The following DNM3 variants were observed in gnomAD, a reference collection of about 807,000 sequenced individuals.
DNM3 encodes the protein dynamin-3.
Under a neutral mutation model 101.6 loss-of-function variants are expected in DNM3, and 47 were observed. That is an observed-to-expected ratio of 0.46 (90% CI 0.37 to 0.59). DNM3 has a LOEUF of 0.59. Ranked by LOEUF, DNM3 falls within the 20% of genes least tolerant of loss-of-function variation. The probability of loss-of-function intolerance (pLI) is 0.00; values close to 1 mark genes in which losing one functional copy is unlikely to be tolerated. For missense variants in DNM3, 849 were observed against 1,085.7 expected (o/e 0.78, Z 3.06); for synonymous variants, 385 against 387.9 (o/e 0.99, Z 0.09).
chr1:172,051,485 T>C (rs938330151), intron 10 of DNM3, among the ~76,000 whole-genome samples: 1 of 152,328 alleles, frequency 6.6e-6, no homozygotes, highest in Non-Finnish European at 1.5e-5. Flanking sequence ...TTCAGTCCAC[T>C]CTAGCATCAT....
chr1:171,847,537 G>GA (rs11377124), intron 1 of DNM3, among the ~76,000 whole-genome samples: 91,984 of 150,536 alleles, frequency 0.61, 28,344 homozygotes, highest in East Asian at 0.8. Flanking sequence ...GAGCAGCAAG[G>GA]AAAAAAAAAG....
intron 2 of DNM3, among the ~76,000 whole-genome samples, chr1:171,974,596 G>A (rs751452700): frequency 6.6e-6 from 1 of 152,080 alleles, no homozygotes; most frequent in Non-Finnish European, 1.5e-5. Flanking sequence ...ACTTTAGTTT[G>A]TTTTCTTTAT....
intron 15 of DNM3, among the ~76,000 whole-genome samples, chr1:172,283,447 C>G (rs1382778683): frequency 2.0e-5 from 3 of 152,030 alleles, no homozygotes; most frequent in East Asian, 3.9e-4. Flanking sequence ...AGTCATTCCT[C>G]AAGTATATTC....
chr1:172,327,113 G>A (rs1194120022), intron 17 of DNM3, among the ~76,000 whole-genome samples: 2 of 152,054 alleles, frequency 1.3e-5, no homozygotes, highest in East Asian at 3.9e-4. Flanking sequence ...TATACATATT[G>A]GAGGGCCTTG....
At position 172,146,754 on chromosome 1, in the gene DNM3, T is replaced by C. The variant is rs1051363239; in HGVS notation, c.1659+15466T>C. ...AGTATTCCAGGTGTAGACCTGCTTC[T>C]GCCACAGAAAGTGAAAGCCTTTTTT... is the stretch of plus-strand genomic sequence containing the variant. On this transcript the variant is annotated intron_variant, in intron 14 of 20. Transcript: ENST00000627582. 7.2e-5 allele frequency among the ~76,000 whole-genome samples: 11 copies of C among 152,150 alleles called. 1 individual carries two copies. Among genetic ancestry groups the C allele is most frequent in the African/African-American group, 2.7e-4 (11 of 41,460 alleles).
intron 15 of DNM3, among the ~76,000 whole-genome samples, chr1:172,273,055 T>A (rs1347681991): frequency 6.6e-6 from 1 of 152,122 alleles, no homozygotes; most frequent in East Asian, 1.9e-4. Flanking sequence ...GTAACTTAAG[T>A]GGCATTAAAA....
chr1:172,362,809 G>A (rs1011374448), intron 17 of DNM3, among the ~76,000 whole-genome samples: 1 of 149,720 alleles, frequency 6.7e-6, no homozygotes, highest in Admixed American at 6.7e-5. Flanking sequence ...CCACAGAAAA[G>A]CTCTGTTAAA....
At chr1:172,232,063 C>A (rs2061358180) in intron 14 of DNM3, among the ~76,000 whole-genome samples, 1 of 152,070 alleles carries the variant, frequency 6.6e-6, no homozygotes, top group South Asian at 2.1e-4. Context: ...TGTAAATGGG[C>A]TAAATGCTCC....
chr1:172,134,205 C>G (rs2057097411), intron 14 of DNM3, among the ~76,000 whole-genome samples: 1 of 152,112 alleles, frequency 6.6e-6, no homozygotes, highest in Non-Finnish European at 1.5e-5. Flanking sequence ...GGGCTACACA[C>G]AGCTATGATT....
chr1:172,042,009 G>A lies in DNM3; in HGVS notation c.993G>A (p.Gln331=), dbSNP rs1217404708. 2 of 1,585,510 alleles carry A rather than the reference G, an allele frequency of 1.3e-6. No individual in the cohort carries two copies. The highest frequency in any genetic ancestry group is 2.7e-5 in the African/African-American group (2 of 73,260). The part of the protein sequence containing the change: ...DPTRKTKALL[Q]MVQQFAVDFE... ...ATCTATTTCTCTTTAACAATTACAG[G>A]ATGGTTCAGCAATTTGCTGTGGACT... The change falls in exon 8 of 21, where the codon CAG becomes CAA. Residue 331 remains glutamine (Q), a splice_region_variant and synonymous_variant. Coordinates refer to ENST00000627582, the MANE Select transcript of DNM3 (RefSeq NM_015569.5).
chr1:172,387,163 G>C lies in DNM3; in HGVS notation c.2089G>C (p.Ala697Pro). Residue 697 changes from alanine to proline, a missense_variant, in exon 19 of 21, where the codon GCA becomes CCA. Transcript: ENST00000627582. ...VKDFINSELLAQLYSSEDQNT... is the reference protein window; with the variant it reads ...VKDFINSELLPQLYSSEDQNT... The stretch of plus-strand genomic sequence containing the variant: ...AGATTTCATAAATTCCGAGCTCCTA[G>C]CACAGTTGTATTCTTCAGAGGACCA... 6.2e-7 allele frequency: 1 copy of C among 1,613,856 alleles called. No individual in the cohort carries two copies.
intron 17 of DNM3, among the ~76,000 whole-genome samples, chr1:172,327,592 T>G (rs1329580026): frequency 6.6e-6 from 1 of 152,170 alleles, no homozygotes; most frequent in Non-Finnish European, 1.5e-5. Flanking sequence ...TAATATTAAA[T>G]GCATGACCAA....
At chr1:172,308,537 A>C (rs1216233415) in intron 15 of DNM3, among the ~76,000 whole-genome samples, 191 bp from the exon 16 acceptor site, 1 of 152,062 alleles carries the variant, frequency 6.6e-6, no homozygotes, top group African/African-American at 2.4e-5. Context: ...ATTTTTTAAA[A>C]AATTATATTG....
At chr1:172,261,937 C>G (rs996486604) in intron 15 of DNM3, among the ~76,000 whole-genome samples, 1 of 152,130 alleles carries the variant, frequency 6.6e-6, no homozygotes, top group East Asian at 1.9e-4. Context: ...AAGTGATGCC[C>G]GTGTCCCTGG....
intron 4 of DNM3, among the ~76,000 whole-genome samples, chr1:171,996,124 T>C (rs1475194426): frequency 6.6e-6 from 1 of 152,146 alleles, no homozygotes; most frequent in African/African-American, 2.4e-5. Flanking sequence ...ATGAAATTAT[T>C]CTTTCAGTAT....
chr1:172,079,789 G>A (rs1466620058), intron 11 of DNM3, among the ~76,000 whole-genome samples: 1 of 152,146 alleles, frequency 6.6e-6, no homozygotes, highest in Admixed American at 6.5e-5. Context: ...ATGTTGGTAA[G>A]CTTCAGATGG....
intron 1 of DNM3, among the ~76,000 whole-genome samples, chr1:171,903,781 A>G (rs1380135269): frequency 6.6e-6 from 1 of 152,186 alleles, no homozygotes; most frequent in Non-Finnish European, 1.5e-5. Flanking sequence ...TAAGTAACCT[A>G]AACTGGAAAG....
intron 4 of DNM3, among the ~76,000 whole-genome samples, chr1:172,025,866 G>C (rs537584333): frequency 1.1e-4 from 16 of 152,266 alleles, no homozygotes; most frequent in Admixed American, 6.5e-4. Context: ...GTGCAAAAAG[G>C]CTGAAAATTC....
At chr1:172,015,941 C>G (rs534799614) in intron 4 of DNM3, among the ~76,000 whole-genome samples, 2 of 150,938 alleles carry the variant, frequency 1.3e-5, no homozygotes, top group East Asian at 3.9e-4. Context: ...TTTGGGAGGC[C>G]AAGGTGGGTG....
Sources: allele counts gnomAD v4.1 joint callset (sites outside exome capture counted in the v4.1 genomes callset), GRCh38; gene constraint gnomAD v4.1.1; transcripts MANE v1.5; gene names NCBI Gene and HGNC (gene_info 2026-07-23, HGNC 2026-07-21).